OPRD1: variants seen among roughly 807,000 people sequenced by gnomAD.
The protein encoded by OPRD1 is delta-type opioid receptor.
OPRD1 carries 19 observed loss-of-function variants against 17.5 expected under a neutral mutation model. The observed-to-expected ratio is 1.09, with a 90% CI of 0.76 to 1.60. OPRD1 has a LOEUF of 1.60. OPRD1 is among the 40% of genes most tolerant of loss of function. The pLI is 0.00. For missense variants in OPRD1, 483 were observed against 547.2 expected (o/e 0.88, Z 1.17); for synonymous variants, 256 against 240.9 (o/e 1.06, Z -0.58).
intron 1 of OPRD1, among the ~76,000 whole-genome samples, chr1:28,833,839 A>G (rs1207360003): frequency 6.6e-6 from 1 of 152,192 alleles, no homozygotes; most frequent in Non-Finnish European, 1.5e-5. Context: ...GGCTATCAGG[A>G]TTAAATGCAA....
rs16837736 is a variant in OPRD1 at position 28,857,265 on chromosome 1, A to G, written c.228-1689A>G. ...TTCACAGCCATCCTAAGAGGTTGCT[A>G]CAAACATTACCCCTCTTTTTACAGT... On this transcript the variant is annotated intron_variant, in intron 1 of 2. Transcript: ENST00000234961. Among the ~76,000 whole-genome samples, 740 of 152,262 alleles carry G rather than the reference A, an allele frequency of 4.9e-3. 3 individuals are homozygous for G. Among genetic ancestry groups the G allele is most frequent in the African/African-American group, 0.013 (540 of 41,570 alleles).
chr1:28,840,001 C>T (rs928427096), intron 1 of OPRD1, among the ~76,000 whole-genome samples: 4 of 152,200 alleles, frequency 2.6e-5, no homozygotes, highest in Non-Finnish European at 4.4e-5. Flanking sequence ...CACCCTGGCA[C>T]CTGCACTCAG....
intron 1 of OPRD1, among the ~76,000 whole-genome samples, chr1:28,826,007 G>C (rs1376695477): frequency 6.6e-6 from 1 of 152,226 alleles, no homozygotes; most frequent in African/African-American, 2.4e-5. Context: ...CCCTCATGGA[G>C]CTGACAGTCT....
intron 1 of OPRD1, among the ~76,000 whole-genome samples, chr1:28,840,750 C>T (rs189853199): frequency 8.5e-5 from 13 of 152,048 alleles, no homozygotes; most frequent in Middle Eastern, 3.4e-3. Context: ...GGTGAAATCC[C>T]GGCTCCACTA....
At chr1:28,815,674 C>G (rs1036298208) in intron 1 of OPRD1, among the ~76,000 whole-genome samples, 15 of 152,216 alleles carry the variant, frequency 9.9e-5, no homozygotes, top group African/African-American at 3.4e-4. Flanking sequence ...TGAAGGGCTC[C>G]TCGAGCTGCG....
At chr1:28,851,888 C>G (rs2089007267) in intron 1 of OPRD1, among the ~76,000 whole-genome samples, 2 of 146,534 alleles carry the variant, frequency 1.4e-5, no homozygotes, top group African/African-American at 5.0e-5. Context: ...AAAGAAGAAG[C>G]CGGGCGTGGT....
At chr1:28,814,685 C>A (rs1168006637) in intron 1 of OPRD1, among the ~76,000 whole-genome samples, 2 of 152,202 alleles carry the variant, frequency 1.3e-5, no homozygotes. Flanking sequence ...ACTCCCACTG[C>A]TGAGGGTCCA....
In OPRD1 at chr1:28,812,454, C is replaced by T; in HGVS notation, c.71C>T (p.Pro24Leu). The change falls in exon 1 of 3, where the codon CCT becomes CTT. Residue 24 changes from proline to leucine, a missense_variant. By Grantham distance (98) the Pro-to-Leu change is moderately conservative. Coordinates refer to ENST00000234961, the MANE Select transcript of OPRD1 (RefSeq NM_000911.4). Reference sequence around the variant, plus strand: ...TTCGCCAACGCCTCGGACGCCTACCCTAGCGCCTGCCCCAGCGCTGGCGCC... The same window carrying T: ...TTCGCCAACGCCTCGGACGCCTACCTTAGCGCCTGCCCCAGCGCTGGCGCC... ...PLFANASDAYPSACPSAGANA... is the reference protein window; with the variant it reads ...PLFANASDAYLSACPSAGANA... 4.0e-6 allele frequency: 6 copies of T among 1,517,142 alleles called. No homozygotes were observed. The highest frequency in any genetic ancestry group is 5.3e-6 in the Non-Finnish European group (6 of 1,139,506). 94.0% of individuals were successfully genotyped at this position (1,517,142 alleles called of 1,614,324 possible).
intron 1 of OPRD1, among the ~76,000 whole-genome samples, chr1:28,841,816 C>T (rs533243775): frequency 2.0e-5 from 3 of 151,602 alleles, no homozygotes; most frequent in South Asian, 4.2e-4. Flanking sequence ...CGGGTTCAAG[C>T]GATTCTCTTG....
intron 1 of OPRD1, among the ~76,000 whole-genome samples, chr1:28,855,623 A>G (rs2089050362): frequency 6.6e-6 from 1 of 152,224 alleles, no homozygotes. Context: ...TGGGCCGCTC[A>G]GCCCGCTTGG....
At chr1:28,847,492 A>G (rs1285505658) in intron 1 of OPRD1, among the ~76,000 whole-genome samples, 1 of 152,136 alleles carries the variant, frequency 6.6e-6, no homozygotes, top group Non-Finnish European at 1.5e-5. Context: ...TGAGGATCAA[A>G]TGGCATGTGT....
At chr1:28,813,204 C>T (rs1390208623) in intron 1 of OPRD1, among the ~76,000 whole-genome samples, 2 of 152,210 alleles carry the variant, frequency 1.3e-5, no homozygotes, top group African/African-American at 4.8e-5. Flanking sequence ...TCTTGTCAAG[C>T]TCTTGAAACC....
chr1:28,818,612 G>T (rs204047), intron 1 of OPRD1, among the ~76,000 whole-genome samples: 30,218 of 152,070 alleles, frequency 0.2, 3,039 homozygotes, highest in Admixed American at 0.25. Flanking sequence ...GGATGGAGAG[G>T]CTGCAGGGAC....
At chr1:28,853,212 G>T (rs1401670214) in intron 1 of OPRD1, among the ~76,000 whole-genome samples, 2 of 152,234 alleles carry the variant, frequency 1.3e-5, no homozygotes, top group African/African-American at 4.8e-5. Context: ...ACCCCTTGCA[G>T]TTGGGCATGG....
Position 28,870,572 on chromosome 1 carries a change from G to C in OPRD1, c.*7289G>C, listed in dbSNP as rs745646720. ...CCATGGTTCTTAATGCTGCAGGTGG[G>C]TCCGGAGAAAGGCTTTTCTCTTTTA... On this transcript the variant is annotated 3_prime_UTR_variant, in exon 3 of 3. Transcript: ENST00000234961. The C allele has an allele frequency of 1.3e-5, 2 of 152,202 alleles. No individual in the cohort carries two copies. Among genetic ancestry groups the C allele is most frequent in the Non-Finnish European group, 2.9e-5 (2 of 68,094 alleles). 9.4% of individuals were successfully genotyped at this position (152,202 alleles called of 1,614,324 possible).
intron 1 of OPRD1, among the ~76,000 whole-genome samples, chr1:28,844,876 C>T (rs1278269252): frequency 1.3e-5 from 2 of 152,004 alleles, no homozygotes; most frequent in Non-Finnish European, 2.9e-5. Context: ...TCCCGAGTAG[C>T]TGGGATTACA....
At chr1:28,852,164 T>TAAAAAAAAA (rs71030305) in intron 1 of OPRD1, among the ~76,000 whole-genome samples, 16 of 86,656 alleles carry the variant, frequency 1.8e-4, no homozygotes, top group Admixed American at 2.8e-4. Context: ...AAACTCCATG[T>TAAAAAAAAA]AAAAAAAAAA....
In OPRD1 at chr1:28,868,910, G is replaced by A. The variant is rs977804646; in HGVS notation, c.*5627G>A. 2 of 152,088 alleles carry A rather than the reference G, an allele frequency of 1.3e-5. No individual in the cohort carries two copies. The highest frequency in any genetic ancestry group is 1.5e-5 in the Non-Finnish European group (1 of 68,052). The allele number at this position is 152,088 out of a possible 1,614,324, so 9.4% of individuals were successfully genotyped here. ...GCCCACTAGCATCCTGAGAGGACTTGGAAGAACAACAGTCCAGGCTGGGCA... is the reference window on the plus strand; with the variant it reads ...GCCCACTAGCATCCTGAGAGGACTTAGAAGAACAACAGTCCAGGCTGGGCA... On this transcript the variant is annotated 3_prime_UTR_variant, in exon 3 of 3. Coordinates refer to ENST00000234961, the MANE Select transcript of OPRD1 (RefSeq NM_000911.4).
At chr1:28,833,771 ACT>A (rs2088826684) in intron 1 of OPRD1, among the ~76,000 whole-genome samples, 1 of 151,900 alleles carries the variant, frequency 6.6e-6, no homozygotes, top group South Asian at 2.1e-4. Context: ...AGTTTCCCTG[ACT>A]CTCTGATCCA....
Sources: gnomAD v4.1 joint callset for allele counts (sites outside exome capture counted in the v4.1 genomes callset) on GRCh38, gnomAD v4.1.1 for gene constraint, MANE v1.5 for transcripts, NCBI Gene and HGNC (gene_info 2026-07-23, HGNC 2026-07-21) for gene names.